Variants in FRMPD2 observed in about 807,000 individuals in gnomAD.
FRMPD2 encodes FERM and PDZ domain-containing protein 2.
In FRMPD2, 96 loss-of-function variants were observed where a neutral mutation model predicts 140.1. That is an observed-to-expected ratio of 0.69 (90% confidence interval 0.58 to 0.81). The LOEUF (loss-of-function observed/expected upper bound fraction) is 0.81. FRMPD2 is among the 40% of genes least tolerant of loss of function. The probability of loss-of-function intolerance (pLI) is 0.00; values close to 1 mark genes in which losing one functional copy is unlikely to be tolerated. For missense variants in FRMPD2, 1,240 were observed against 1,447.4 expected (o/e 0.86, Z 2.32); for synonymous variants, 449 against 547.6 (o/e 0.82, Z 2.52).
intron 9 of FRMPD2, among the ~76,000 whole-genome samples, chr10:48,234,369 A>G (rs1224005246): frequency 1.3e-5 from 2 of 152,246 alleles, no homozygotes; most frequent in Admixed American, 1.3e-4. Flanking sequence ...GCTTTTGAAC[A>G]CAGGGTGCTG....
chr10:48,206,880 C>T lies in FRMPD2; in HGVS notation c.1665G>A (p.Glu555=). 2 of 1,613,978 alleles carry T rather than the reference C, an allele frequency of 1.2e-6. No homozygotes were observed. Among genetic ancestry groups the T allele is most frequent in the East Asian group, 2.2e-5 (1 of 44,890 alleles). ...CCATCTCCTCTTCTGGCCTCCTCTTCTCTGAGAATACTTGGTGAACCAGCA... is the reference window on the plus strand; with the variant it reads ...CCATCTCCTCTTCTGGCCTCCTCTTTTCTGAGAATACTTGGTGAACCAGCA... ...YGVLVHQVFS[E]KRRPEEEMAL... The change falls in exon 14 of 29, where the codon GAG becomes GAA. Residue 555 remains glutamate, a synonymous_variant. Transcript: ENST00000374201.
intron 21 of FRMPD2, among the ~76,000 whole-genome samples, chr10:48,180,269 G>A (rs540013909): frequency 5.3e-5 from 8 of 152,320 alleles, no homozygotes; most frequent in Admixed American, 2.0e-4. Context: ...TGGGTCTGGC[G>A]GGGCCTGAGA....
chr10:48,156,628 T>G lies in FRMPD2; in HGVS notation c.*694A>C, dbSNP rs782815022. On this transcript the variant is annotated 3_prime_UTR_variant, in exon 29 of 29. Transcript: ENST00000374201. ...GAAATGTTACAGTCCATGTAGGAAGTGCTATGATAGAAGCAGCTGGAGCAC... is the reference window on the plus strand; with the variant it reads ...GAAATGTTACAGTCCATGTAGGAAGGGCTATGATAGAAGCAGCTGGAGCAC... 1 of 203,182 alleles carries G rather than the reference T, an allele frequency of 4.9e-6. No homozygotes were observed. The highest frequency in any genetic ancestry group is 2.4e-5 in the African/African-American group (1 of 41,414). The allele number at this position is 203,182 out of a possible 1,614,324, so 12.6% of individuals were successfully genotyped here.
At chr10:48,266,102 A>G (rs1242062377) in intron 1 of FRMPD2, among the ~76,000 whole-genome samples, 2 of 152,210 alleles carry the variant, frequency 1.3e-5, no homozygotes, top group East Asian at 1.9e-4. Flanking sequence ...ATCCTTAGCA[A>G]ACTAACACAG....
chr10:48,271,125 C>T (rs571739127), intron 1 of FRMPD2, among the ~76,000 whole-genome samples: 19 of 152,268 alleles, frequency 1.2e-4, no homozygotes, highest in South Asian at 4.1e-4. Flanking sequence ...TCAGGCCCAC[C>T]GCTTTGGACT....
intron 12 of FRMPD2, among the ~76,000 whole-genome samples, chr10:48,218,128 T>A (rs1839493807): frequency 6.6e-6 from 1 of 152,194 alleles, no homozygotes. Flanking sequence ...TGTGCCTCCA[T>A]GGTGTTTCTT....
chr10:48,184,087 A>G (rs1461774580), intron 20 of FRMPD2, among the ~76,000 whole-genome samples: 1 of 152,012 alleles, frequency 6.6e-6, no homozygotes, highest in Non-Finnish European at 1.5e-5. Context: ...GTAATAACAA[A>G]CCTACACATG....
In FRMPD2 at chr10:48,242,363, A is replaced by G; in HGVS notation, c.376-11T>C. 2 of 1,609,882 alleles carry G rather than the reference A, an allele frequency of 1.2e-6. No homozygotes were observed. The highest frequency in any genetic ancestry group is 1.7e-6 in the Non-Finnish European group (2 of 1,177,146). ...GCAGAGCTGCAGGGGCTGGAGGCAG[A>G]CAGGGCCGGTGAGAGGAGAGAGCAG... On this transcript the variant is annotated splice_polypyrimidine_tract_variant and intron_variant, in intron 4 of 28. Transcript: ENST00000374201.
intron 12 of FRMPD2, among the ~76,000 whole-genome samples, chr10:48,214,813 C>T (rs908203829): frequency 1.3e-5 from 2 of 152,232 alleles, no homozygotes; most frequent in Middle Eastern, 6.8e-3. Flanking sequence ...TGGGTGAATA[C>T]CCCACAATAC....
In FRMPD2 at chr10:48,185,569, G is replaced by A. The variant is rs775744575; in HGVS notation, c.2343C>T (p.Asp781=). 4 of 1,613,884 alleles carry A rather than the reference G, an allele frequency of 2.5e-6. No individual in the cohort carries two copies. Among genetic ancestry groups the A allele is most frequent in the Non-Finnish European group, 3.4e-6 (4 of 1,179,802 alleles). The change falls in exon 18 of 29, where the codon GAC becomes GAT. Residue 781 remains aspartate, a synonymous_variant. Coordinates refer to ENST00000374201, the MANE Select transcript of FRMPD2 (RefSeq NM_001018071.4). ...REIVRVTLKR[D]PHRGFGFVIN... is the part of the protein sequence containing the mutation. ...CCCTCTTACCAAAACCACGATGTGG[G>A]TCACGTTTCAGTGTCACACGTACAA...
rs565141664 is a variant in FRMPD2 at position 48,239,608 on chromosome 10, T to C, written c.785A>G (p.Asn262Ser). The C allele has an allele frequency of 3.1e-6, 5 of 1,613,502 alleles. No individual in the cohort carries two copies. Among genetic ancestry groups the C allele is most frequent in the African/African-American group, 2.7e-5 (2 of 75,042 alleles). ...LTHSHCSLLV[N>S]RALPGADPQD... ...CCCTTTAGGCCTTGCTGCTTACCGG[T>C]TAACAAGGAGGCTGCAGTGACTGTG... The change falls in exon 7 of 29, where the codon AAC (asparagine) becomes AGC (serine). Residue 262 changes from asparagine (N) to serine (S), a missense_variant. Around this residue, in one of 6 missense-constraint regions of FRMPD2, gnomAD observed 1,161 missense variants for 1,055.9 expected, o/e 1.10. Coordinates refer to ENST00000374201, the MANE Select transcript of FRMPD2 (RefSeq NM_001018071.4).
chr10:48,273,885 T>TAA (rs111236938), intron 1 of FRMPD2, among the ~76,000 whole-genome samples: 10 of 146,186 alleles, frequency 6.8e-5, no homozygotes, highest in African/African-American at 2.5e-4. Context: ...ATTGTTGCTT[T>TAA]AAAAAAAAAA....
Position 48,239,684 on chromosome 10 carries a change from T to C in FRMPD2, c.709A>G (p.Arg237Gly), listed in dbSNP as rs1588848635. The C allele has an allele frequency of 6.2e-7, 1 of 1,613,656 alleles. No homozygotes were observed. Among genetic ancestry groups the C allele is most frequent in the African/African-American group, 1.3e-5 (1 of 75,024 alleles). The part of the protein sequence containing the change: ...ECLHPCRVSE[R>G]STETQSSPEP... ...GGTGAGCTCTGGGTCTCCGTGCTTC[T>C]TTCTGAAACTAATCAAGCAGCATGG... The change falls in exon 7 of 29, where the codon AGA becomes GGA. Residue 237 changes from arginine (R) to glycine (G), a missense_variant. Arg to Gly is a moderately radical substitution (Grantham distance 125). This residue lies in a region of FRMPD2 where 1,161 missense variants were observed against 1,055.9 expected (regional missense o/e 1.10). Transcript: ENST00000374201.
rs115290078 is a variant in FRMPD2 at position 48,187,297 on chromosome 10, C to G, written c.2166-5G>C. 1.2e-6 allele frequency: 2 copies of G among 1,613,290 alleles called. No individual in the cohort carries two copies. The highest frequency in any genetic ancestry group is 1.7e-6 in the Non-Finnish European group (2 of 1,179,610). On this transcript the variant is annotated splice_region_variant and splice_polypyrimidine_tract_variant and intron_variant, in intron 16 of 28. Transcript: ENST00000374201. ...TGCTCCCGGCCAGTGCAGGGGCTGC[C>G]GGGAAAAGAAAATGAGGTTAGATAA...
intron 10 of FRMPD2, among the ~76,000 whole-genome samples, chr10:48,231,146 A>G (rs1161134673): frequency 1.3e-5 from 2 of 152,238 alleles, no homozygotes; most frequent in Admixed American, 1.3e-4. Flanking sequence ...TAACCACAGG[A>G]TGATCCAGCA....
intron 1 of FRMPD2, among the ~76,000 whole-genome samples, chr10:48,252,128 A>G (rs906205894): frequency 1.3e-5 from 2 of 152,024 alleles, no homozygotes; most frequent in African/African-American, 2.4e-5. Flanking sequence ...CACATCTTTC[A>G]TCTCTGGCTG....
At chr10:48,251,105 G>T (rs280610) in intron 2 of FRMPD2, among the ~76,000 whole-genome samples, 14,082 of 152,108 alleles carry the variant, frequency 0.093, 2,143 homozygotes, top group African/African-American at 0.32. Context: ...GCCCAGCCAG[G>T]TCTGCCTTCT....
At chr10:48,162,100 T>C (rs1181548387) in intron 28 of FRMPD2, among the ~76,000 whole-genome samples, 1 of 150,688 alleles carries the variant, frequency 6.6e-6, no homozygotes, top group African/African-American at 2.5e-5. Context: ...TGGACAAGTC[T>C]CTGTAGGTTA....
At position 48,212,165 on chromosome 10, in the gene FRMPD2, T is replaced by C. The variant is rs113936898; in HGVS notation, c.1456-56A>G. ...AATCCAGACACTGGCCGGGGGACTC[T>C]GAGAGGAATGAAAACATTATCTGTA... On this transcript the variant is annotated intron_variant, in intron 12 of 28. Coordinates refer to ENST00000374201, the MANE Select transcript of FRMPD2 (RefSeq NM_001018071.4). 1.5e-3 allele frequency: 2,296 copies of C among 1,549,822 alleles called. 33 individuals are homozygous for C. The African/African-American group carries it at 0.025, about 17-fold the overall frequency.
Sources: gnomAD v4.1 joint callset for allele counts (sites outside exome capture counted in the v4.1 genomes callset) on GRCh38, gnomAD v4.1.1 for gene constraint, gnomAD v4.1.1 regional missense constraint, MANE v1.5 for transcripts, NCBI Gene and HGNC (gene_info 2026-07-23, HGNC 2026-07-21) for gene names.